Variants in KCNIP4 observed in about 807,000 individuals in gnomAD.
The protein encoded by KCNIP4 is potassium voltage-gated channel interacting protein 4.
KCNIP4 carries 12 observed loss-of-function variants against 34.0 expected under a neutral mutation model. The ratio of observed to expected loss-of-function variants is 0.35; its 90% confidence interval spans 0.23 to 0.57. The LOEUF (loss-of-function observed/expected upper bound fraction) is 0.57, where lower values mean the gene tolerates loss of function less well. Ranked by LOEUF, KCNIP4 falls within the 20% of genes least tolerant of loss-of-function variation. The pLI, the probability that KCNIP4 is intolerant of heterozygous loss-of-function variation, is 0.83. For synonymous variants in KCNIP4, 124 were observed against 102.2 expected, an observed-to-expected ratio of 1.21 and a Z score of -1.29; for missense variants, 238 against 311.7, an observed-to-expected ratio of 0.76 and a Z score of 1.78.
At chr4:21,668,710 T>G (rs1749225821) in intron 1 of KCNIP4, among the ~76,000 whole-genome samples, 1 of 152,194 alleles carries the variant, frequency 6.6e-6, no homozygotes, top group African/African-American at 2.4e-5. Flanking sequence ...TATTTAATTT[T>G]TTATCAACCT....
At chr4:21,758,931 C>CAATAAT (rs146608463) in intron 1 of KCNIP4, among the ~76,000 whole-genome samples, 1 of 151,564 alleles carries the variant, frequency 6.6e-6, no homozygotes, top group Admixed American at 6.6e-5. Context: ...ATAATAATAA[C>CAATAAT]AATAATAATA....
chr4:20,746,374 G>C (rs1578495536), intron 5 of KCNIP4, among the ~76,000 whole-genome samples: 1 of 152,048 alleles, frequency 6.6e-6, no homozygotes, highest in Non-Finnish European at 1.5e-5. Flanking sequence ...GCATGTCGGA[G>C]GGTGGGGGGC....
intron 1 of KCNIP4, among the ~76,000 whole-genome samples, chr4:21,525,040 C>T (rs972935856): frequency 1.3e-5 from 2 of 152,084 alleles, no homozygotes; most frequent in Admixed American, 6.6e-5. Context: ...TTCTCCTTCT[C>T]CTAACTTGGG....
At chr4:21,590,909 T>G (rs569612552) in intron 1 of KCNIP4, among the ~76,000 whole-genome samples, 1 of 152,112 alleles carries the variant, frequency 6.6e-6, no homozygotes, top group East Asian at 1.9e-4. Flanking sequence ...CAGGTAAGTA[T>G]CCCATTAATC....
intron 1 of KCNIP4, among the ~76,000 whole-genome samples, chr4:21,886,802 G>C (rs1312474406): frequency 7.2e-6 from 1 of 139,684 alleles, no homozygotes; most frequent in African/African-American, 2.7e-5. Flanking sequence ...AATTACATTT[G>C]GCTAAATTAC....
chr4:21,803,885 AT>A lies in KCNIP4; in HGVS notation c.61+144685del, dbSNP rs1051873742. Among the ~76,000 whole-genome samples the A allele has an allele frequency of 1.1e-4, 17 of 152,298 alleles. No homozygotes were observed. The East Asian group carries it at 3.3e-3, about 29-fold the overall frequency. ...ACTGAGACAAAGTCTCTTTATATCCATTTTACCTCCAAACATAAAGTACTTG... is the reference window on the plus strand; with the variant it reads ...ACTGAGACAAAGTCTCTTTATATCCATTTACCTCCAAACATAAAGTACTTG... On this transcript the variant is annotated intron_variant, in intron 1 of 8. Transcript: ENST00000382152.
chr4:21,265,526 G>T (rs1761745517), intron 1 of KCNIP4, among the ~76,000 whole-genome samples: 1 of 152,140 alleles, frequency 6.6e-6, no homozygotes, highest in Admixed American at 6.6e-5. Flanking sequence ...ATTAAGCCAG[G>T]TAAGAATGAC....
At chr4:21,371,341 C>G (rs1720430150) in intron 1 of KCNIP4, among the ~76,000 whole-genome samples, 1 of 146,188 alleles carries the variant, frequency 6.8e-6, no homozygotes, top group East Asian at 2.0e-4. Context: ...AATAATGACC[C>G]AGAATTGGAA....
chr4:20,950,206 T>C (rs548077172), intron 1 of KCNIP4, among the ~76,000 whole-genome samples: 21 of 151,468 alleles, frequency 1.4e-4, no homozygotes, highest in African/African-American at 5.1e-4. Flanking sequence ...ACCAGGAAGA[T>C]CTACAGCTAT....
chr4:20,990,784 C>A (rs1266532324), intron 1 of KCNIP4, among the ~76,000 whole-genome samples: 1 of 152,180 alleles, frequency 6.6e-6, no homozygotes, highest in Non-Finnish European at 1.5e-5. Context: ...TTGTGGCTCT[C>A]CTGTCATATC....
chr4:21,896,183 C>T (rs1727374803), intron 1 of KCNIP4, among the ~76,000 whole-genome samples: 1 of 152,130 alleles, frequency 6.6e-6, no homozygotes, highest in Non-Finnish European at 1.5e-5. Context: ...TCACTATTTG[C>T]CAGGCACTTA....
intron 1 of KCNIP4, among the ~76,000 whole-genome samples, chr4:21,302,133 T>A (rs1578047111): frequency 6.6e-6 from 1 of 152,276 alleles, no homozygotes; most frequent in Non-Finnish European, 1.5e-5. Context: ...GAGAAATTGT[T>A]CATACAAATC....
chr4:21,757,274 A>G (rs1717722684), intron 1 of KCNIP4, among the ~76,000 whole-genome samples: 2 of 85,026 alleles, frequency 2.4e-5, no homozygotes, highest in Admixed American at 2.1e-4. Context: ...AAAGAAAAGA[A>G]AAGAAAAGAA....
At chr4:20,974,859 T>C (rs975165552) in intron 1 of KCNIP4, among the ~76,000 whole-genome samples, 3 of 152,326 alleles carry the variant, frequency 2.0e-5, no homozygotes, top group Non-Finnish European at 4.4e-5. Flanking sequence ...TCCTGGATGA[T>C]TGAATACATG....
chr4:21,470,200 G>T (rs907249426), intron 1 of KCNIP4, among the ~76,000 whole-genome samples: 3 of 152,118 alleles, frequency 2.0e-5, no homozygotes, highest in Non-Finnish European at 2.9e-5. Flanking sequence ...AGAGAAAGGA[G>T]GCAAGAGATT....
chr4:21,761,041 T>A (rs1349383), intron 1 of KCNIP4, among the ~76,000 whole-genome samples: 49,067 of 152,030 alleles, frequency 0.32, 10,336 homozygotes, highest in Non-Finnish European at 0.48. Context: ...AAACTGACTA[T>A]AAGAATAGGT....
intron 1 of KCNIP4, among the ~76,000 whole-genome samples, chr4:21,678,860 G>C (rs193178121): frequency 6.6e-6 from 1 of 152,034 alleles, no homozygotes; most frequent in Admixed American, 6.6e-5. Flanking sequence ...CCAGTACCTC[G>C]GAACGTGACT....
At chr4:21,554,479 A>G (rs543508581) in intron 1 of KCNIP4, among the ~76,000 whole-genome samples, 1 of 152,172 alleles carries the variant, frequency 6.6e-6, no homozygotes, top group Non-Finnish European at 1.5e-5. Flanking sequence ...AAGTGGTATT[A>G]TAATATCCTC....
At chr4:21,904,774 TAGC>T (rs1433842767) in intron 1 of KCNIP4, among the ~76,000 whole-genome samples, 7 of 152,152 alleles carry the variant, frequency 4.6e-5, no homozygotes, top group Non-Finnish European at 1.0e-4. Flanking sequence ...CTATGATATT[TAGC>T]AGCATGACAA....
Sources: allele counts gnomAD v4.1 joint callset (sites outside exome capture counted in the v4.1 genomes callset), GRCh38; gene constraint gnomAD v4.1.1; transcripts MANE v1.5; gene names NCBI Gene and HGNC (gene_info 2026-07-23, HGNC 2026-07-21).